Variants in FGL1 observed in about 807,000 individuals in gnomAD.
FGL1 encodes the protein fibrinogen-like protein 1.
In FGL1, 59 loss-of-function variants were observed where a neutral mutation model predicts 43.7. That is an observed-to-expected ratio of 1.35 (90% CI 1.10 to 1.68). FGL1 has a LOEUF of 1.68. Ranked by LOEUF, FGL1 falls within the 40% of genes most tolerant of loss-of-function variation. The probability of loss-of-function intolerance (pLI) is 0.00; values close to 1 mark genes in which losing one functional copy is unlikely to be tolerated. For missense variants in FGL1, 596 were observed against 373.0 expected, an observed-to-expected ratio of 1.60 and a Z score of -4.92; for synonymous variants, 192 against 126.5, an observed-to-expected ratio of 1.52 and a Z score of -3.48.
At chr8:17,873,943 T>G in intron 5 of FGL1, 76 bp downstream of exon 5, 1 of 1,007,032 alleles carries the variant, frequency 9.9e-7, no homozygotes, top group Non-Finnish European at 1.4e-6. Context: ...TTCCATTGCC[T>G]ATAATTTGGT....
intron 5 of FGL1, among the ~76,000 whole-genome samples, chr8:17,870,107 C>A (rs749308394): frequency 6.6e-6 from 1 of 151,410 alleles, no homozygotes; most frequent in Middle Eastern, 3.4e-3. Context: ...GAGACTCCGT[C>A]GCAAAAAACA....
intron 3 of FGL1, among the ~76,000 whole-genome samples, chr8:17,875,495 CT>C (rs1563452165): frequency 3.2e-3 from 21 of 6,626 alleles, no homozygotes; most frequent in African/African-American, 0.011. Context: ...TTCTTTCTTT[CT>C]TTCTTTCTTT....
chr8:17,884,665 G>A (rs992604678), intron 2 of FGL1, among the ~76,000 whole-genome samples: 3 of 152,086 alleles, frequency 2.0e-5, no homozygotes, highest in Non-Finnish European at 4.4e-5. Context: ...GTGGGGGATC[G>A]GTTGTGATAT....
chr8:17,886,072 G>T (rs1177551700), intron 1 of FGL1, among the ~76,000 whole-genome samples: 1 of 152,136 alleles, frequency 6.6e-6, no homozygotes, highest in South Asian at 2.1e-4. Flanking sequence ...GAAAGCAAAG[G>T]TCACACCTTG....
intron 2 of FGL1, among the ~76,000 whole-genome samples, chr8:17,884,487 A>G (rs35276838): frequency 0.078 from 11,891 of 152,048 alleles, 942 homozygotes; most frequent in African/African-American, 0.2. Context: ...GAGCCACTGC[A>G]CCAGGCCTCT....
intron 7 of FGL1, among the ~76,000 whole-genome samples, chr8:17,866,074 T>C (rs537528196): frequency 6.6e-6 from 1 of 152,372 alleles, no homozygotes; most frequent in Non-Finnish European, 1.5e-5. Flanking sequence ...TTTTGGCATA[T>C]ATTTGTCTAT....
At chr8:17,871,928 T>G (rs1431232718) in intron 5 of FGL1, among the ~76,000 whole-genome samples, 1 of 152,182 alleles carries the variant, frequency 6.6e-6, no homozygotes, top group Non-Finnish European at 1.5e-5. Context: ...TTGAATTTCA[T>G]ATATTTAGAA....
chr8:17,883,643 G>C (rs117426344), intron 2 of FGL1, among the ~76,000 whole-genome samples: 10,805 of 141,848 alleles, frequency 0.076, 873 homozygotes, highest in African/African-American at 0.2. Context: ...AAATACATAT[G>C]CATATATAAT....
At chr8:17,871,857 T>A (rs900118611) in intron 5 of FGL1, among the ~76,000 whole-genome samples, 5 of 152,088 alleles carry the variant, frequency 3.3e-5, no homozygotes, top group Non-Finnish European at 5.9e-5. Flanking sequence ...AAGGAACAGG[T>A]TTGTTGGCAA....
chr8:17,872,198 T>C (rs1418968984), intron 5 of FGL1, among the ~76,000 whole-genome samples: 2 of 152,062 alleles, frequency 1.3e-5, no homozygotes, highest in East Asian at 3.9e-4. Flanking sequence ...TTCTAGTGTC[T>C]CAAAGAACTT....
At chr8:17,866,499 C>G (rs967312342) in intron 7 of FGL1, among the ~76,000 whole-genome samples, 1 of 152,166 alleles carries the variant, frequency 6.6e-6, no homozygotes, top group Non-Finnish European at 1.5e-5. Flanking sequence ...AGAAGTAGCA[C>G]CAAGTTTCTA....
chr8:17,895,302 T>G lies in FGL1; in HGVS notation c.-18+145A>C, dbSNP rs558174122. On this transcript the variant is annotated intron_variant, in intron 1 of 7. Coordinates refer to ENST00000427924, the MANE Select transcript of FGL1 (RefSeq NM_004467.4). ...CATAATTCTAAATCTCTTCTCCAAG[T>G]AGCAGAAGCAGACTCCTTGCTAGTC... 4 of 1,082,632 alleles carry G rather than the reference T, an allele frequency of 3.7e-6. No homozygotes were observed. In the African/African-American group the frequency reaches 5.0e-5, roughly 13 times the overall value. The allele number at this position is 1,082,632 out of a possible 1,614,324, so 67.1% of individuals were successfully genotyped here.
intron 1 of FGL1, among the ~76,000 whole-genome samples, chr8:17,888,202 C>A (rs2053656411): frequency 6.6e-6 from 1 of 152,022 alleles, no homozygotes; most frequent in South Asian, 2.1e-4. Context: ...GAAAAAGAGA[C>A]ACCCTCTGTG....
At chr8:17,875,598 T>C (rs2053443881) in intron 3 of FGL1, among the ~76,000 whole-genome samples, 3 of 129,782 alleles carry the variant, frequency 2.3e-5, no homozygotes, top group African/African-American at 5.7e-5. Flanking sequence ...TCTTTCTTTC[T>C]TTCTTTCTTT....
intron 2 of FGL1, among the ~76,000 whole-genome samples, chr8:17,883,553 T>A (rs142206415): frequency 0.072 from 9,920 of 137,580 alleles, 804 homozygotes; most frequent in African/African-American, 0.19. Flanking sequence ...TATAGTCTAC[T>A]TTATATAATA....
chr8:17,883,257 CATATATA>C (rs1211721033), intron 2 of FGL1, among the ~76,000 whole-genome samples: 4 of 48,426 alleles, frequency 8.3e-5, no homozygotes, highest in African/African-American at 4.0e-4. Context: ...TAATATATAT[CATATATA>C]ATATATTAAA....
intron 5 of FGL1, among the ~76,000 whole-genome samples, chr8:17,869,295 A>G: frequency 6.6e-6 from 1 of 152,242 alleles, no homozygotes; most frequent in Non-Finnish European, 1.5e-5. Flanking sequence ...AGAAAAAATA[A>G]GTGATTACTT....
At chr8:17,881,020 A>C (rs1475165741) in intron 3 of FGL1, among the ~76,000 whole-genome samples, 1 of 152,038 alleles carries the variant, frequency 6.6e-6, no homozygotes, top group Non-Finnish European at 1.5e-5. Flanking sequence ...CTTATTTGCC[A>C]CCCTAATGCA....
rs545522748 is a variant in FGL1, at chr8:17,865,389, G to C, written c.780-638C>G. On this transcript the variant is annotated intron_variant, in intron 7 of 7. Coordinates refer to ENST00000427924, the MANE Select transcript of FGL1 (RefSeq NM_004467.4). ...TTTGCACTCACACGTTCATTCCTCT[G>C]CTGCTAAGACTTAGCTTTCATAATT... is the stretch of plus-strand genomic sequence containing the variant. Among the ~76,000 whole-genome samples the C allele has an allele frequency of 1.1e-4, 16 of 152,190 alleles. No homozygotes were observed. The South Asian group carries it at 3.3e-3, about 32-fold the overall frequency.
Sources: gnomAD v4.1 joint callset for allele counts (sites outside exome capture counted in the v4.1 genomes callset) on GRCh38, gnomAD v4.1.1 for gene constraint, MANE v1.5 for transcripts, NCBI Gene and HGNC (gene_info 2026-07-23, HGNC 2026-07-21) for gene names.